The following CNTNAP2 variants were observed in gnomAD, a reference collection of about 807,000 sequenced individuals.
CNTNAP2 encodes contactin associated protein 2, also known as contactin-associated protein-like 2.
Under a neutral mutation model 155.2 loss-of-function variants are expected in CNTNAP2, and 98 were observed. The observed-to-expected ratio is 0.63, with a 90% confidence interval of 0.54 to 0.75. The LOEUF is 0.75. Among genes scored for constraint, CNTNAP2 ranks in the 30% least tolerant of loss-of-function variants. CNTNAP2 has a pLI of 0.00. For missense variants in CNTNAP2, 1,727 were observed against 1,688.1 expected, an observed-to-expected ratio of 1.02 and a Z score of -0.40; for synonymous variants, 651 against 631.2, an observed-to-expected ratio of 1.03 and a Z score of -0.47.
intron 17 of CNTNAP2, among the ~76,000 whole-genome samples, chr7:148,149,286 T>C (rs886183256): frequency 4.6e-5 from 7 of 152,196 alleles, no homozygotes. Flanking sequence ...GAGTATTTAT[T>C]ATGGTCTTGG....
At chr7:147,954,519 TCATTTTTTGTAAGTTACTGAA>T (rs1261327205) in intron 14 of CNTNAP2, among the ~76,000 whole-genome samples, 6 of 152,122 alleles carry the variant, frequency 3.9e-5, no homozygotes, top group African/African-American at 1.4e-4. Flanking sequence ...GTAGGATTTA[TCATTTTTTGTAAGTTACTGAA>T]CATTGATTCA....
intron 20 of CNTNAP2, among the ~76,000 whole-genome samples, chr7:148,256,892 G>T (rs1796464690): frequency 6.6e-6 from 1 of 152,164 alleles, no homozygotes; most frequent in African/African-American, 2.4e-5. Flanking sequence ...TAATACATTA[G>T]TTAATTAATT....
chr7:148,025,629 A>G (rs564296319), intron 15 of CNTNAP2, among the ~76,000 whole-genome samples: 2 of 152,288 alleles, frequency 1.3e-5, no homozygotes, highest in East Asian at 3.9e-4. Context: ...TACTCAAAAC[A>G]ATCTATGGTC....
chr7:146,357,916 G>A (rs199868367), intron 1 of CNTNAP2, among the ~76,000 whole-genome samples: 8 of 140,044 alleles, frequency 5.7e-5, no homozygotes, highest in Admixed American at 1.4e-4. Context: ...AATGCACCCC[G>A]CCCCCCGCCA....
chr7:147,267,514 C>T (rs1418921904), intron 8 of CNTNAP2, among the ~76,000 whole-genome samples: 3 of 151,590 alleles, frequency 2.0e-5, no homozygotes, highest in Non-Finnish European at 4.4e-5. Context: ...CAAAATTTAC[C>T]CTCACTATTA....
intron 4 of CNTNAP2, among the ~76,000 whole-genome samples, chr7:147,056,819 G>A (rs1799570731): frequency 6.6e-6 from 1 of 152,254 alleles, no homozygotes; most frequent in South Asian, 2.1e-4. Flanking sequence ...CACCGAGTCT[G>A]CAGTGCAGTG....
At chr7:148,147,303 C>T (rs902123151) in intron 16 of CNTNAP2, among the ~76,000 whole-genome samples, 188 bp from the exon 17 acceptor site, 3 of 152,106 alleles carry the variant, frequency 2.0e-5, no homozygotes, top group African/African-American at 7.2e-5. Context: ...CCCCAAAACA[C>T]CCTTGGTTAT....
intron 13 of CNTNAP2, among the ~76,000 whole-genome samples, chr7:147,888,495 G>A (rs1387940240): frequency 3.9e-5 from 6 of 151,950 alleles, no homozygotes; most frequent in African/African-American, 9.7e-5. Flanking sequence ...TCTAATTGGA[G>A]TTGTGAAAGA....
chr7:146,612,762 A>T (rs1183457278), intron 1 of CNTNAP2, among the ~76,000 whole-genome samples: 2 of 152,202 alleles, frequency 1.3e-5, no homozygotes, highest in Non-Finnish European at 2.9e-5. Context: ...AAAAATACTT[A>T]GGTATGTACT....
chr7:147,022,052 T>C (rs62483986), intron 3 of CNTNAP2, among the ~76,000 whole-genome samples: 7,623 of 152,214 alleles, frequency 0.05, 244 homozygotes, highest in African/African-American at 0.083. Flanking sequence ...CTATACTCTT[T>C]TGGCCACTTT....
In CNTNAP2 at chr7:146,395,826, G is replaced by GGAGAGAGAGA. The variant is rs35033097; in HGVS notation, c.97+278874_97+278883dup. On this transcript the variant is annotated intron_variant, in intron 1 of 23. Coordinates refer to ENST00000361727, the MANE Select transcript of CNTNAP2 (RefSeq NM_014141.6). ...ATAGATAGATAGATAGATAGATAGA[G>GGAGAGAGAGA]GAGAGAGAGAGAGAGAGAGAGAGAG... 1.3e-4 allele frequency among the ~76,000 whole-genome samples: 15 copies of GGAGAGAGAGA among 116,850 alleles called. No individual in the cohort carries two copies. In the South Asian group the frequency reaches 1.5e-3, roughly 11 times the overall value. 76.7% of individuals were successfully genotyped at this position (116,850 alleles called of 152,430 possible). A position where few individuals can be genotyped will look rare whatever the true frequency, so the allele number is the denominator to read the frequency against.
chr7:148,213,493 G>A (rs908004335), intron 18 of CNTNAP2, among the ~76,000 whole-genome samples: 4 of 152,130 alleles, frequency 2.6e-5, no homozygotes, highest in South Asian at 4.1e-4. Context: ...AATTTCAAGC[G>A]CCTGGTATGC....
At chr7:148,308,937 T>G (rs989192262) in intron 21 of CNTNAP2, among the ~76,000 whole-genome samples, 1 of 152,212 alleles carries the variant, frequency 6.6e-6, no homozygotes, top group African/African-American at 2.4e-5. Context: ...TAGTGTTCCA[T>G]GGTGTATATG....
intron 12 of CNTNAP2, among the ~76,000 whole-genome samples, chr7:147,575,625 A>G (rs1314501193): frequency 6.6e-6 from 1 of 151,840 alleles, no homozygotes; most frequent in African/African-American, 2.4e-5. Context: ...CATCCTAACC[A>G]AGGTGCAGCT....
At chr7:146,495,547 A>G (rs990237628) in intron 1 of CNTNAP2, among the ~76,000 whole-genome samples, 1 of 123,294 alleles carries the variant, frequency 8.1e-6, no homozygotes, top group Non-Finnish European at 1.7e-5. Flanking sequence ...CACCTCTAAC[A>G]GGTCATTTTT....
intron 2 of CNTNAP2, among the ~76,000 whole-genome samples, chr7:146,778,567 G>A (rs1483617901): frequency 6.6e-6 from 1 of 152,134 alleles, no homozygotes; most frequent in Non-Finnish European, 1.5e-5. Flanking sequence ...CCAGTCTTGT[G>A]TCATTCTGAG....
At chr7:148,202,809 A>C (rs888972809) in intron 18 of CNTNAP2, among the ~76,000 whole-genome samples, 1 of 152,210 alleles carries the variant, frequency 6.6e-6, no homozygotes, top group Non-Finnish European at 1.5e-5. Flanking sequence ...AGAGGCTCTC[A>C]CTGTGCTGGG....
intron 1 of CNTNAP2, among the ~76,000 whole-genome samples, chr7:146,244,508 T>A (rs1799614104): frequency 6.6e-6 from 1 of 152,120 alleles, no homozygotes; most frequent in Non-Finnish European, 1.5e-5. Flanking sequence ...TGAGGACAGG[T>A]CTGACTTCTG....
chr7:146,713,096 G>C (rs141211462), intron 1 of CNTNAP2, among the ~76,000 whole-genome samples: 2 of 151,848 alleles, frequency 1.3e-5, no homozygotes, highest in East Asian at 3.9e-4. Flanking sequence ...TCTCAGACTC[G>C]CAGGACCCTA....
Sources: allele counts gnomAD v4.1 joint callset (sites outside exome capture counted in the v4.1 genomes callset), GRCh38; gene constraint gnomAD v4.1.1; transcripts MANE v1.5; gene names NCBI Gene and HGNC (gene_info 2026-07-23, HGNC 2026-07-21).